ZNF536: variants seen among roughly 807,000 people sequenced by gnomAD.
The protein encoded by ZNF536 is zinc finger protein 536.
Under a neutral mutation model 84.5 loss-of-function variants are expected in ZNF536, and 13 were observed. The observed-to-expected ratio is 0.15, with a 90% CI of 0.10 to 0.24. ZNF536 has a LOEUF of 0.24. Ranked by LOEUF, ZNF536 falls within the 10% of genes least tolerant of loss-of-function variation. ZNF536 has a pLI of 1.00. For missense variants in ZNF536, 1,536 were observed against 1,747.5 expected, an observed-to-expected ratio of 0.88 and a Z score of 2.16; for synonymous variants, 811 against 742.5, an observed-to-expected ratio of 1.09 and a Z score of -1.50.
chr19:30,656,759 G>A (rs2049930252), intron 1 of ZNF536, among the ~76,000 whole-genome samples: 1 of 152,220 alleles, frequency 6.6e-6, no homozygotes. Flanking sequence ...TGCGGGACAG[G>A]CAAGGCCACC....
rs746823383 is a variant in ZNF536, at chr19:30,548,584, G to A, written c.2965G>A (p.Gly989Ser). The change falls in exon 4 of 5, where the codon GGC becomes AGC. Residue 989 changes from glycine (G) to serine (S), a missense_variant. Physicochemically the swap from Gly to Ser is moderately conservative, Grantham distance 56 (BLOSUM62 0). Coordinates refer to ENST00000355537, the MANE Select transcript of ZNF536 (RefSeq NM_014717.3). Reference protein sequence around the residue: ...SVRPDAASLPGSSVTVQDSIA... With the variant: ...SVRPDAASLPSSSVTVQDSIA... The stretch of plus-strand genomic sequence containing the variant: ...GCGGCCAGATGCCGCCTCCCTCCCG[G>A]GCTCCTCGGTAACTGTGCAGGACAG... The A allele has an allele frequency of 6.2e-6, 10 of 1,613,980 alleles. No homozygotes were observed. Among genetic ancestry groups the A allele is most frequent in the East Asian group, 2.2e-5 (1 of 44,872 alleles).
intron 1 of ZNF536, among the ~76,000 whole-genome samples, chr19:30,613,755 A>G (rs979011780): frequency 2.0e-5 from 3 of 152,270 alleles, no homozygotes; most frequent in Admixed American, 6.5e-5. Context: ...GCGACCATAG[A>G]TAATGAGTAT....
At chr19:30,566,462 T>A (rs1599830872) in intron 1 of ZNF536, among the ~76,000 whole-genome samples, 2 of 152,248 alleles carry the variant, frequency 1.3e-5, no homozygotes, top group African/African-American at 4.8e-5. Context: ...TTCTTACATT[T>A]CATCCTCATG....
intron 2 of ZNF536, among the ~76,000 whole-genome samples, chr19:30,520,057 T>C (rs2044255695): frequency 6.6e-6 from 1 of 152,090 alleles, no homozygotes. Context: ...GTGGTGGGCC[T>C]GGGGCTGGTG....
intron 1 of ZNF536, among the ~76,000 whole-genome samples, chr19:30,643,637 C>T (rs1179690747): frequency 6.6e-6 from 1 of 152,026 alleles, no homozygotes; most frequent in Non-Finnish European, 1.5e-5. Flanking sequence ...GTTCTGCCAG[C>T]TATCGCAAAG....
At chr19:30,315,578 G>A (rs2146166110) in intron 2 of ZNF536, among the ~76,000 whole-genome samples, 1 of 152,320 alleles carries the variant, frequency 6.6e-6, no homozygotes, top group Non-Finnish European at 1.5e-5. Context: ...GCAGCCTGAA[G>A]GGTTTCGTGT....
chr19:30,283,226 A>G (rs1209968328), intron 1 of ZNF536, among the ~76,000 whole-genome samples: 6 of 152,242 alleles, frequency 3.9e-5, no homozygotes, highest in South Asian at 2.1e-4. Context: ...TGTTTGCCCC[A>G]TAACATCCCT....
At chr19:30,229,572 G>GA (rs2022870784) in intron 1 of ZNF536, among the ~76,000 whole-genome samples, 1 of 112,616 alleles carries the variant, frequency 8.9e-6, no homozygotes, top group South Asian at 2.9e-4. Flanking sequence ...TGCGGGTGGT[G>GA]GGGGGGGCTC....
chr19:30,579,657 GA>G (rs776962919), intron 1 of ZNF536, among the ~76,000 whole-genome samples: 3 of 152,206 alleles, frequency 2.0e-5, no homozygotes, highest in Non-Finnish European at 2.9e-5. Flanking sequence ...AGAGGGCATG[GA>G]TGAAGGAGGC....
intron 1 of ZNF536, among the ~76,000 whole-genome samples, chr19:30,433,042 C>A (rs1326029379): frequency 2.0e-5 from 3 of 152,210 alleles, no homozygotes; most frequent in Non-Finnish European, 2.9e-5. Context: ...CCATTCTGCT[C>A]AGATTGACTT....
At chr19:30,496,672 A>G (rs1368458041) in intron 2 of ZNF536, among the ~76,000 whole-genome samples, 5 of 152,124 alleles carry the variant, frequency 3.3e-5, no homozygotes, top group African/African-American at 1.2e-4. Flanking sequence ...GAGGTAAAGC[A>G]GTAGTAGAGA....
At chr19:30,575,087 G>A (rs1223665743) in intron 1 of ZNF536, among the ~76,000 whole-genome samples, 1 of 152,172 alleles carries the variant, frequency 6.6e-6, no homozygotes, top group African/African-American at 2.4e-5. Flanking sequence ...GAGTTGTCAG[G>A]AAACATGGTC....
At chr19:30,481,703 G>C (rs2054094960) in intron 2 of ZNF536, among the ~76,000 whole-genome samples, 1 of 152,136 alleles carries the variant, frequency 6.6e-6, no homozygotes, top group Admixed American at 6.5e-5. Flanking sequence ...AGTTTTTGGG[G>C]AACGGGTGGC....
chr19:30,693,912 T>C (rs1442529218), intron 1 of ZNF536, among the ~76,000 whole-genome samples: 2 of 152,134 alleles, frequency 1.3e-5, no homozygotes, highest in Non-Finnish European at 2.9e-5. Context: ...CAATACAACC[T>C]CACTGAATTT....
At position 30,257,478 on chromosome 19, in the gene ZNF536, TTTTA is replaced by T. The variant is rs150499000; in HGVS notation, c.-189-26589_-189-26586del. On this transcript the variant is annotated intron_variant, in intron 1 of 5. Transcript: ENST00000585628. ...TTTGCAAACTCTTCCTTGCATTTCT[TTTTA>T]TTTAAGTTTTAGCTTAATAACCATT... Among the ~76,000 whole-genome samples the T allele has an allele frequency of 3.2e-3, 484 of 152,358 alleles. 26 individuals carry two copies. The East Asian group carries it at 0.085, about 27-fold the overall frequency.
chr19:30,358,074 G>A (rs2146828523), intron 3 of ZNF536, among the ~76,000 whole-genome samples: 1 of 152,150 alleles, frequency 6.6e-6, no homozygotes, highest in Middle Eastern at 3.4e-3. Context: ...AAAGAGTCTT[G>A]GTGCTTATAG....
intron 1 of ZNF536, among the ~76,000 whole-genome samples, chr19:30,262,743 A>G (rs2025292740): frequency 6.6e-6 from 1 of 151,772 alleles, no homozygotes; most frequent in Non-Finnish European, 1.5e-5. Flanking sequence ...ACATAGGGGG[A>G]CCTCACCCTC....
At chr19:30,561,828 A>G (rs1346011412), downstream of ZNF536, among the ~76,000 whole-genome samples, 2 of 152,218 alleles carry the variant, frequency 1.3e-5, no homozygotes, top group Non-Finnish European at 2.9e-5. Context: ...ATGAAGCAAG[A>G]GGCCATTGGT....
chr19:30,409,112 CATTCGTCT>C (rs2050382674), intron 1 of ZNF536, among the ~76,000 whole-genome samples: 1 of 152,152 alleles, frequency 6.6e-6, no homozygotes, highest in African/African-American at 2.4e-5. Context: ...CATTATCATC[CATTCGTCT>C]ATTCATCCAT....
Sources: gnomAD v4.1 joint callset for allele counts (sites outside exome capture counted in the v4.1 genomes callset) on GRCh38, gnomAD v4.1.1 for gene constraint, MANE v1.5 for transcripts, NCBI Gene and HGNC (gene_info 2026-07-23, HGNC 2026-07-21) for gene names.